The following ZNHIT6 variants were observed in gnomAD, a reference collection of about 807,000 sequenced individuals.
ZNHIT6 encodes zinc finger HIT-type containing 6.
A neutral mutation model predicts 57.2 loss-of-function variants in ZNHIT6; 45 were observed. The ratio of observed to expected loss-of-function variants is 0.79; its 90% CI spans 0.62 to 1.01. The LOEUF (loss-of-function observed/expected upper bound fraction) is 1.01, where lower values mean the gene tolerates loss of function less well. Among genes scored for constraint, ZNHIT6 ranks in the 50% least tolerant of loss-of-function variants. ZNHIT6 has a pLI of 0.00. For missense variants in ZNHIT6, 528 were observed against 567.3 expected, an observed-to-expected ratio of 0.93 and a Z score of 0.70; for synonymous variants, 188 against 190.0, an observed-to-expected ratio of 0.99 and a Z score of 0.09.
Position 85,707,922 on chromosome 1 carries a change from C to T in ZNHIT6, c.363G>A (p.Thr121=), listed in dbSNP as rs147160762. 1.6e-5 allele frequency: 26 copies of T among 1,614,074 alleles called. No individual in the cohort carries two copies. In the African/African-American group the frequency reaches 3.2e-4, roughly 20 times the overall value. The part of the protein sequence containing the change: ...NAGVLEVKQE[T]DSSLVVKEAK... ...CTTCTTTTACCACTAAACTACTATC[C>T]GTCTCCTGCTTCACCTCCAATACGC... The change falls in exon 1 of 10, where the codon ACG becomes ACA. Residue 121 remains threonine, a synonymous_variant. Transcript: ENST00000370574.
intron 8 of ZNHIT6, among the ~76,000 whole-genome samples, chr1:85,667,294 C>A (rs151025841): frequency 6.6e-6 from 1 of 152,120 alleles, no homozygotes; most frequent in Admixed American, 6.6e-5. Flanking sequence ...AAAAGTATGT[C>A]ATTCATACTT....
intron 8 of ZNHIT6, among the ~76,000 whole-genome samples, chr1:85,676,188 T>C (rs1006891622): frequency 4.0e-5 from 6 of 151,872 alleles, no homozygotes; most frequent in Non-Finnish European, 8.8e-5. Flanking sequence ...AATACAAAAT[T>C]AGCCGGGCGT....
intron 8 of ZNHIT6, among the ~76,000 whole-genome samples, chr1:85,658,466 G>A (rs912004082): frequency 1.6e-4 from 25 of 152,170 alleles, no homozygotes; most frequent in African/African-American, 5.3e-4. Context: ...TCCTGACCTC[G>A]TAATCTGCCT....
chr1:85,685,963 T>C (rs1229258695), intron 5 of ZNHIT6, among the ~76,000 whole-genome samples: 1 of 150,582 alleles, frequency 6.6e-6, no homozygotes, highest in African/African-American at 2.4e-5. Context: ...TCTTTTTTTT[T>C]TTTTCTTTTT....
In ZNHIT6 at chr1:85,653,469, A is replaced by C. The variant is rs969900907; in HGVS notation, c.*589T>G. On this transcript the variant is annotated 3_prime_UTR_variant, in exon 10 of 10. Transcript: ENST00000370574. ...GGTTTCGTCACGCATGAAATTAACA[A>C]ATAAAAAATGTTCAAGGCCAGGTGT... The C allele has an allele frequency of 6.6e-6, 1 of 152,152 alleles. No homozygotes were observed. The highest frequency in any genetic ancestry group is 1.5e-5 in the Non-Finnish European group (1 of 68,030). 9.4% of individuals were successfully genotyped at this position (152,152 alleles called of 1,614,324 possible). A position where few individuals can be genotyped will look rare whatever the true frequency, so the allele number is the denominator to read the frequency against.
chr1:85,649,616 C>G lies in ZNHIT6; in HGVS notation c.*4442G>C, dbSNP rs1204476516. 6.6e-6 allele frequency: 1 copy of G among 152,030 alleles called. No homozygotes were observed. The highest frequency in any genetic ancestry group is 1.5e-5 in the Non-Finnish European group (1 of 68,010). The allele number at this position is 152,030 out of a possible 1,614,324, so 9.4% of individuals were successfully genotyped here. On this transcript the variant is annotated 3_prime_UTR_variant, in exon 10 of 10. Transcript: ENST00000370574. ...CACACACACTTTAGTTTTCAAAGAC[C>G]AAAGTTTAAAGAAAATACTTTTTAG... is the stretch of plus-strand genomic sequence containing the variant.
rs750109280 is a variant in ZNHIT6 at position 85,707,768 on chromosome 1, T to C, written c.517A>G (p.Lys173Glu). 1 of 1,614,176 alleles carries C rather than the reference T, an allele frequency of 6.2e-7. No homozygotes were observed. Among genetic ancestry groups the C allele is most frequent in the East Asian group, 2.2e-5 (1 of 44,888 alleles). Reference protein sequence around the residue: ...QEEKFVGQCIKEELMHGECVK... With the variant: ...QEEKFVGQCIEEELMHGECVK... ...CACTCTCCATGCATCAATTCCTCTT[T>C]TATGCATTGACCAACAAACTTCTCC... Residue 173 changes from lysine to glutamate, a missense_variant, in exon 1 of 10, where the codon AAA becomes GAA. Coordinates refer to ENST00000370574, the MANE Select transcript of ZNHIT6 (RefSeq NM_017953.4).
At position 85,702,226 on chromosome 1, in the gene ZNHIT6, C is replaced by T. The variant is rs756464024; in HGVS notation, c.950G>A (p.Gly317Asp). 6.2e-7 allele frequency: 1 copy of T among 1,608,158 alleles called. No homozygotes were observed. ...ATTGGGTAGAAGTTTTAAGTTAATA[C>T]CTTGCCTCCGGGCACGATTTTTCAT... The part of the protein sequence containing the change: ...YFMKNRARRQ[G>D]INLKLLPNGF... Residue 317 changes from glycine (G) to aspartate (D), a missense_variant, in exon 5 of 10, where the codon GGT (glycine) becomes GAT (aspartate). Transcript: ENST00000370574.
chr1:85,699,721 C>G (rs1301090607), intron 5 of ZNHIT6, among the ~76,000 whole-genome samples: 1 of 151,894 alleles, frequency 6.6e-6, no homozygotes, highest in Non-Finnish European at 1.5e-5. Flanking sequence ...GGAATTGATC[C>G]TACAAAAAAA....
intron 5 of ZNHIT6, among the ~76,000 whole-genome samples, chr1:85,689,989 C>T (rs528585526): frequency 2.6e-5 from 4 of 152,078 alleles, no homozygotes; most frequent in Admixed American, 6.5e-5. Flanking sequence ...ATATTAACTG[C>T]GGAGAAAATA....
chr1:85,706,009 TAAAA>T, intron 4 of ZNHIT6, 65 bp downstream of exon 4: 1 of 1,111,300 alleles, frequency 9.0e-7, no homozygotes, highest in Non-Finnish European at 1.3e-6. Flanking sequence ...TTTGGTAAGT[TAAAA>T]AAAAAAAAAG....
intron 8 of ZNHIT6, among the ~76,000 whole-genome samples, chr1:85,662,732 A>G (rs1188381313): frequency 6.6e-6 from 1 of 152,204 alleles, no homozygotes; most frequent in Non-Finnish European, 1.5e-5. Context: ...GGATTTTTAT[A>G]TATCCACATA....
intron 8 of ZNHIT6, among the ~76,000 whole-genome samples, chr1:85,677,026 T>C (rs1661722645): frequency 1.3e-5 from 2 of 152,212 alleles, no homozygotes; most frequent in Admixed American, 1.3e-4. Context: ...CCTATATCAG[T>C]TGACGGAAAA....
chr1:85,708,384 C>T lies in ZNHIT6; in HGVS notation c.-100G>A. The T allele has an allele frequency of 7.0e-7, 1 of 1,435,594 alleles. No individual in the cohort carries two copies. The highest frequency in any genetic ancestry group is 9.3e-7 in the Non-Finnish European group (1 of 1,079,488). The allele number at this position is 1,435,594 out of a possible 1,614,324, so 88.9% of individuals were successfully genotyped here. On this transcript the variant is annotated 5_prime_UTR_variant, in exon 1 of 10. It adds an upstream start codon to the 5' untranslated region. Coordinates refer to ENST00000370574, the MANE Select transcript of ZNHIT6 (RefSeq NM_017953.4). The stretch of plus-strand genomic sequence containing the variant: ...CGGTCGGAATACCTACGGCGGCCCA[C>T]GTGTGGAGCCAAGCAGCCACAAACC...
intron 8 of ZNHIT6, among the ~76,000 whole-genome samples, chr1:85,669,876 T>C (rs1241086553): frequency 6.6e-6 from 1 of 152,196 alleles, no homozygotes; most frequent in African/African-American, 2.4e-5. Flanking sequence ...GATGTCTATA[T>C]ATCCCTAGGT....
intron 8 of ZNHIT6, among the ~76,000 whole-genome samples, chr1:85,671,499 A>C (rs1371890939): frequency 6.6e-6 from 1 of 152,120 alleles, no homozygotes; most frequent in African/African-American, 2.4e-5. Flanking sequence ...TGGTCAAAAG[A>C]AGCTGTTAAA....
intron 5 of ZNHIT6, among the ~76,000 whole-genome samples, chr1:85,698,418 A>G (rs1020869389): frequency 3.9e-5 from 6 of 152,210 alleles, no homozygotes; most frequent in African/African-American, 1.4e-4. Flanking sequence ...AGAGTAATTC[A>G]GGTACAATGG....
chr1:85,667,566 C>A (rs1178622369), intron 8 of ZNHIT6, among the ~76,000 whole-genome samples: 1 of 150,990 alleles, frequency 6.6e-6, no homozygotes, highest in Non-Finnish European at 1.5e-5. Context: ...TGAAATATAT[C>A]ACCCTTAAGG....
chr1:85,691,025 CA>C (rs1263092014), intron 5 of ZNHIT6, among the ~76,000 whole-genome samples: 1 of 152,030 alleles, frequency 6.6e-6, no homozygotes, highest in South Asian at 2.1e-4. Context: ...GACTCCATCT[CA>C]AAAAAACAAG....
Sources: gnomAD v4.1 joint callset for allele counts (sites outside exome capture counted in the v4.1 genomes callset) on GRCh38, gnomAD v4.1.1 for gene constraint, MANE v1.5 for transcripts, NCBI Gene and HGNC (gene_info 2026-07-23, HGNC 2026-07-21) for gene names.